Variants in DMD observed in about 807,000 individuals in gnomAD.
DMD encodes mutant dystrophin.
A neutral mutation model predicts 330.1 loss-of-function variants in DMD; 63 were observed. That is an observed-to-expected ratio of 0.19 (90% CI 0.16 to 0.24). The LOEUF is 0.24. Among genes scored for constraint, DMD ranks in the 10% least tolerant of loss-of-function variants. The pLI, the probability that DMD is intolerant of heterozygous loss-of-function variation, is 1.00. For missense variants in DMD, 3,344 were observed against 2,684.1 expected (o/e 1.25, Z -5.43); for synonymous variants, 1,223 against 959.8 (o/e 1.27, Z -5.07).
chrX:32,697,468 C>T (rs2063742588), intron 9 of DMD, among the ~76,000 whole-genome samples: 1 of 111,692 alleles, frequency 9.0e-6, no homozygotes, highest in African/African-American at 3.3e-5. Context: ...GTATGTATTT[C>T]CTTTACGTAG....
chrX:32,287,695 T>C lies in DMD; in HGVS notation c.6124A>G (p.Lys2042Glu), dbSNP rs1178785582. Residue 2042 changes from lysine to glutamate, a missense_variant, in exon 43 of 79, where the codon AAA (lysine) becomes GAA (glutamate). Transcript: ENST00000357033. ...FKQEESLKNI[K>E]DSLQQSSGRI... ...CCTGAGCTTTGTTGTAGACTATCTTTTATATTCTGTAATATAAAAATTTTA... is the reference window on the plus strand; with the variant it reads ...CCTGAGCTTTGTTGTAGACTATCTTCTATATTCTGTAATATAAAAATTTTA... 1 of 1,185,376 alleles carries C rather than the reference T, an allele frequency of 8.4e-7. No homozygotes were observed. Among genetic ancestry groups the C allele is most frequent in the South Asian group, 1.9e-5 (1 of 53,075 alleles).
At chrX:33,141,983 T>C (rs1458456542) in intron 1 of DMD, among the ~76,000 whole-genome samples, 1 of 112,943 alleles carries the variant, frequency 8.9e-6, no homozygotes, top group African/African-American at 3.2e-5. Flanking sequence ...CCACACATTT[T>C]ATAGCAAGAA....
chrX:32,887,578 T>C (rs1315386315), intron 2 of DMD, among the ~76,000 whole-genome samples: 1 of 104,413 alleles, frequency 9.6e-6, no homozygotes, highest in African/African-American at 3.5e-5. Context: ...CGAAACCCCG[T>C]CTCTACTAAA....
rs1038788458 is a variant in DMD at position 32,558,602 on chromosome X, T to C, written c.1992+7100A>G. 7.2e-5 allele frequency among the ~76,000 whole-genome samples: 8 copies of C among 111,378 alleles called. No individual in the cohort carries two copies. In the Admixed American group the frequency reaches 7.7e-4, roughly 11 times the overall value. ...TTAGCTGCCTTTCCAGTGGCAAAAG[T>C]AGGAATCTTCTTCACTAAGTACTCC... On this transcript the variant is annotated intron_variant, in intron 16 of 78. Transcript: ENST00000357033.
chrX:31,452,481 G>A (rs1256521118), intron 59 of DMD, among the ~76,000 whole-genome samples: 3 of 110,340 alleles, frequency 2.7e-5, no homozygotes, highest in Non-Finnish European at 5.7e-5. Flanking sequence ...CACTCTGGAG[G>A]CTGAGGCAGG....
rs781340531 is a variant in DMD, at chrX:31,232,782, T to A, written c.9287-9661A>T. ...ACACACCAGGGCGCATGAGGAGCAG[T>A]GAAATTTGGAAGTGGGAGAAGGCAC... On this transcript the variant is annotated intron_variant, in intron 63 of 78. Coordinates refer to ENST00000357033, the MANE Select transcript of DMD (RefSeq NM_004006.3). Among the ~76,000 whole-genome samples the A allele has an allele frequency of 5.4e-5, 6 of 111,805 alleles. No individual in the cohort carries two copies. In the East Asian group the frequency reaches 1.4e-3, roughly 26 times the overall value.
At chrX:32,701,117 T>C (rs1407320098) in intron 7 of DMD, among the ~76,000 whole-genome samples, 1 of 112,149 alleles carries the variant, frequency 8.9e-6, no homozygotes, top group Non-Finnish European at 1.9e-5. Context: ...TCTGATTCAA[T>C]AGATCGGGGT....
chrX:32,549,283 T>A (rs1278075130), intron 16 of DMD, among the ~76,000 whole-genome samples: 4 of 111,328 alleles, frequency 3.6e-5, no homozygotes, highest in African/African-American at 1.3e-4. Context: ...TTCTTCATCT[T>A]TAAAGTAAGA....
At chrX:33,042,957 A>G (rs1181774490) in intron 1 of DMD, among the ~76,000 whole-genome samples, 2 of 112,037 alleles carry the variant, frequency 1.8e-5, no homozygotes, top group Admixed American at 1.9e-4. Flanking sequence ...ACACGAATGC[A>G]TGGTTCTATA....
chrX:32,761,375 T>C (rs2072271515), intron 7 of DMD, among the ~76,000 whole-genome samples: 1 of 112,025 alleles, frequency 8.9e-6, no homozygotes, highest in African/African-American at 3.2e-5. Flanking sequence ...ATACAAAGAA[T>C]TTCCACAATC....
intron 63 of DMD, among the ~76,000 whole-genome samples, chrX:31,257,473 A>G (rs1351355847): frequency 9.0e-6 from 1 of 111,336 alleles, no homozygotes; most frequent in Non-Finnish European, 1.9e-5. Flanking sequence ...CAGCTCAAAG[A>G]GCAATTTGGA....
At chrX:31,570,185 C>T (rs2075734509) in intron 55 of DMD, among the ~76,000 whole-genome samples, 1 of 111,266 alleles carries the variant, frequency 9.0e-6, no homozygotes, top group African/African-American at 3.3e-5. Context: ...TTGAATAGGA[C>T]TAGTCAGGTA....
intron 47 of DMD, among the ~76,000 whole-genome samples, chrX:31,900,816 G>A (rs918506526): frequency 2.8e-4 from 31 of 110,835 alleles, no homozygotes; most frequent in African/African-American, 9.2e-4. Context: ...CTGGGCCACC[G>A]GAAAAAATAT....
At chrX:31,497,736 G>A (rs1222202550) in intron 56 of DMD, among the ~76,000 whole-genome samples, 1 of 112,186 alleles carries the variant, frequency 8.9e-6, no homozygotes, top group African/African-American at 3.2e-5. Context: ...TTCACTTGAA[G>A]ATGAGAAGCT....
chrX:33,094,057 A>G (rs892550949), intron 1 of DMD, among the ~76,000 whole-genome samples: 2 of 111,168 alleles, frequency 1.8e-5, no homozygotes, highest in Non-Finnish European at 3.8e-5. Flanking sequence ...CTTTTGTGAC[A>G]TAACTATTGA....
At chrX:31,746,810 TCACA>T (rs1340373344) in intron 51 of DMD, among the ~76,000 whole-genome samples, 1 of 110,385 alleles carries the variant, frequency 9.1e-6, no homozygotes, top group Non-Finnish European at 1.9e-5. Flanking sequence ...CTGTGAGCAC[TCACA>T]CAGACAACAT....
rs182791991 is a variant in DMD, at chrX:32,426,897, G to T, written c.4071+11344C>A. Among the ~76,000 whole-genome samples, 406 of 111,423 alleles carry T rather than the reference G, an allele frequency of 3.6e-3. 2 individuals are homozygous for T. Among genetic ancestry groups the T allele is most frequent in the African/African-American group, 0.012 (382 of 30,714 alleles). On this transcript the variant is annotated intron_variant, in intron 29 of 78. Coordinates refer to ENST00000357033, the MANE Select transcript of DMD (RefSeq NM_004006.3). ...CACATGTTCTCACTTATAAGTGGGA[G>T]CTAAATAATGAGAATACATGGACAC...
chrX:31,752,402 C>G (rs761247296), intron 51 of DMD, among the ~76,000 whole-genome samples: 1 of 110,877 alleles, frequency 9.0e-6, no homozygotes, highest in Admixed American at 9.6e-5. Context: ...CTAGAAAGCA[C>G]AGGAGGCAAA....
intron 37 of DMD, among the ~76,000 whole-genome samples, chrX:32,351,041 T>C (rs2097780026): frequency 9.0e-6 from 1 of 111,200 alleles, no homozygotes; most frequent in Non-Finnish European, 1.9e-5. Flanking sequence ...CTTTATAACA[T>C]GGAGATAAGA....
Sources: gnomAD v4.1 joint callset for allele counts (sites outside exome capture counted in the v4.1 genomes callset) on GRCh38, gnomAD v4.1.1 for gene constraint, MANE v1.5 for transcripts, NCBI Gene and HGNC (gene_info 2026-07-23, HGNC 2026-07-21) for gene names.